The following NXF3 variants were observed in gnomAD, a reference collection of about 807,000 sequenced individuals.
NXF3 encodes the protein TAP-like protein 3.
In NXF3, 34 loss-of-function variants were observed where a neutral mutation model predicts 48.4. That is an observed-to-expected ratio of 0.70 (90% CI 0.53 to 0.93). The LOEUF (loss-of-function observed/expected upper bound fraction) is 0.93, where lower values mean the gene tolerates loss of function less well. Among genes scored for constraint, NXF3 ranks in the 40% least tolerant of loss-of-function variants. NXF3 has a pLI of 0.00. For synonymous variants in NXF3, 132 were observed against 145.7 expected, an observed-to-expected ratio of 0.91 and a Z score of 0.68; for missense variants, 359 against 406.1, an observed-to-expected ratio of 0.88 and a Z score of 1.00.
chrX:103,082,698 T>C (rs1249754358), intron 8 of NXF3, 62 bp downstream of exon 8: 3 of 935,232 alleles, frequency 3.2e-6, no homozygotes, highest in East Asian at 6.2e-5. Flanking sequence ...TTAGACCAAT[T>C]AGCCTCCTAG....
At chrX:103,087,759 A>C (rs190176341) in intron 1 of NXF3, 1 of 960,606 alleles carries the variant, frequency 1.0e-6, no homozygotes, top group African/African-American at 1.9e-5. Flanking sequence ...AGGCCTTTTA[A>C]ATGTCTCTCG....
At chrX:103,076,754 C>T (rs773926302) in intron 18 of NXF3, among the ~76,000 whole-genome samples, 1 of 98,714 alleles carries the variant, frequency 1.0e-5, no homozygotes, top group East Asian at 3.1e-4. Flanking sequence ...CCCCCATCCA[C>T]CAGACACAAA....
At chrX:103,087,945 G>A in intron 1 of NXF3, 1 of 935,389 alleles carries the variant, frequency 1.1e-6, no homozygotes, top group Non-Finnish European at 1.5e-6. Flanking sequence ...TAAAGAAGAG[G>A]CATACAGAAT....
chrX:103,084,197 A>G (rs1922087231), intron 3 of NXF3, 145 bp downstream of exon 3: 9 of 651,601 alleles, frequency 1.4e-5, no homozygotes, highest in Non-Finnish European at 2.1e-5. Context: ...TACTCTTAAG[A>G]TGATCTAGGA....
At chrX:103,079,312 C>T (rs772198037) in intron 15 of NXF3, 47 bp downstream of exon 15, 2 of 1,206,785 alleles carry the variant, frequency 1.7e-6, no homozygotes, top group Middle Eastern at 2.3e-4. Context: ...ACCTCCTACC[C>T]ACCTCTGGCT....
Position 103,082,437 on chromosome X carries a change from C to T in NXF3, c.781-73G>A, listed in dbSNP as rs1214189566. 5.8e-6 allele frequency: 4 copies of T among 692,626 alleles called. No individual in the cohort carries two copies. In the African/African-American group the frequency reaches 8.4e-5, roughly 15 times the overall value. The allele number at this position is 692,626 out of a possible 1,213,427, so 57.1% of individuals were successfully genotyped here. ...AGGGCCCTGCACCCTCAGTCTCCTC[C>T]CTTGCCAACAAATCCACTTCCTTGC... On this transcript the variant is annotated intron_variant, in intron 8 of 19. Transcript: ENST00000395065.
chrX:103,080,523 G>T (rs1022420193), intron 10 of NXF3, 53 bp downstream of exon 10: 1 of 1,105,939 alleles, frequency 9.0e-7, no homozygotes. Context: ...TGGGGCAGTT[G>T]GGGGCAGCAT....
At chrX:103,089,922 T>TC (rs1352092265) in intron 1 of NXF3, among the ~76,000 whole-genome samples, 2 of 110,972 alleles carry the variant, frequency 1.8e-5, no homozygotes, top group Non-Finnish European at 3.8e-5. Flanking sequence ...CTTTTTTTTT[T>TC]CCCAGCGAGT....
chrX:103,083,563 C>A lies in NXF3; in HGVS notation c.435+46G>T, dbSNP rs202037958. 1.4e-5 allele frequency: 16 copies of A among 1,171,269 alleles called. No individual in the cohort carries two copies. In the Admixed American group the frequency reaches 2.8e-4, roughly 21 times the overall value. On this transcript the variant is annotated intron_variant, in intron 4 of 19. Transcript: ENST00000395065. The stretch of plus-strand genomic sequence containing the variant: ...GCCAGAGTCTCTGCTCATCCAGCCC[C>A]CAACCTGTCCTGTTTTCTCTCGTCT...
chrX:103,083,538 G>C, intron 4 of NXF3, 36 bp from the exon 5 acceptor site: 1 of 1,169,502 alleles, frequency 8.6e-7, no homozygotes, highest in Non-Finnish European at 1.2e-6. Context: ...GAAATATGAG[G>C]CCAGAGTCTC....
At position 103,087,670 on chromosome X, in the gene NXF3, T is replaced by A. The variant is rs1338615927; in HGVS notation, c.29-2787A>T. 3 of 1,018,377 alleles carry A rather than the reference T, an allele frequency of 2.9e-6. No homozygotes were observed. The African/African-American group carries it at 5.6e-5, about 19-fold the overall frequency. The allele number at this position is 1,018,377 out of a possible 1,213,427, so 83.9% of individuals were successfully genotyped here. A position where few individuals can be genotyped will look rare whatever the true frequency, so the allele number is the denominator to read the frequency against. On this transcript the variant is annotated intron_variant, in intron 1 of 19. Transcript: ENST00000395065. ...ATAGCATGAAGAGAAGAAAGAATATTCATGCATATACAATCTGTGGCAAGA... is the reference window on the plus strand; with the variant it reads ...ATAGCATGAAGAGAAGAAAGAATATACATGCATATACAATCTGTGGCAAGA...
chrX:103,080,360 G>A, intron 10 of NXF3, 144 bp from the exon 11 acceptor site: 1 of 670,059 alleles, frequency 1.5e-6, no homozygotes, highest in Non-Finnish European at 2.3e-6. Flanking sequence ...CTACAGTCGG[G>A]ATTGCCGCCA....
intron 3 of NXF3, 127 bp from the exon 4 acceptor site, chrX:103,083,819 G>A: frequency 4.4e-6 from 2 of 456,455 alleles, no homozygotes; most frequent in Non-Finnish European, 7.6e-6. Flanking sequence ...ATCCATTATT[G>A]CTAACTTATG....
intron 1 of NXF3, among the ~76,000 whole-genome samples, chrX:103,086,848 A>T (rs188543166): frequency 2.6e-3 from 292 of 112,087 alleles, no homozygotes; most frequent in Non-Finnish European, 4.5e-3. Flanking sequence ...AGAGAAAAGA[A>T]CTCATAATGA....
intron 17 of NXF3, 109 bp downstream of exon 17, chrX:103,078,451 C>A: frequency 9.2e-7 from 1 of 1,084,922 alleles, no homozygotes; most frequent in Non-Finnish European, 1.3e-6. Context: ...TTAGACTAGA[C>A]TGTCGGTTTT....
In NXF3 at chrX:103,082,807, T is replaced by A; in HGVS notation, c.733A>T (p.Lys245Ter). 8.3e-7 allele frequency: 1 copy of A among 1,210,408 alleles called. No individual in the cohort carries two copies. The highest frequency in any genetic ancestry group is 1.1e-6 in the Non-Finnish European group (1 of 894,456). Reference protein sequence around the residue: ...RDTKMASNPRKCMAASLDVHE... With the variant: ...RDTKMASNPR ...ACGTCCAGGGAGGCAGCCATGCACTTTCTAGGATTCGATGCCATCTTAGTA... is the reference window on the plus strand; with the variant it reads ...ACGTCCAGGGAGGCAGCCATGCACTATCTAGGATTCGATGCCATCTTAGTA... Residue 245 changes from lysine to a stop codon, truncating the protein, a stop_gained, in exon 8 of 20, where the codon AAG becomes TAG. Transcript: ENST00000395065. LOFTEE classifies it high-confidence loss of function.
intron 1 of NXF3, 103 bp from the exon 2 acceptor site, chrX:103,084,986 T>C: frequency 2.5e-6 from 2 of 806,637 alleles, no homozygotes; most frequent in Non-Finnish European, 3.6e-6. Flanking sequence ...TTATTTAGAG[T>C]CAGGATCTGG....
At chrX:103,091,984 C>CAAA (rs59377364) in intron 1 of NXF3, among the ~76,000 whole-genome samples, 457 of 47,299 alleles carry the variant, frequency 9.7e-3, no homozygotes, top group Non-Finnish European at 0.012. Context: ...GACTCCATCA[C>CAAA]AAAAAAAAAA....
chrX:103,085,730 C>T (rs1382335552), intron 1 of NXF3, among the ~76,000 whole-genome samples: 5 of 108,139 alleles, frequency 4.6e-5, no homozygotes, highest in African/African-American at 1.3e-4. Flanking sequence ...GATGAAACAC[C>T]CTCTCTACTA....
Sources: gnomAD v4.1 joint callset for allele counts (sites outside exome capture counted in the v4.1 genomes callset) on GRCh38, gnomAD v4.1.1 for gene constraint, MANE v1.5 for transcripts, NCBI Gene and HGNC (gene_info 2026-07-23, HGNC 2026-07-21) for gene names.